Variants in PRKCQ observed in about 807,000 individuals in gnomAD.
PRKCQ encodes protein kinase C theta, also known as protein kinase C theta type.
Under a neutral mutation model 91.2 loss-of-function variants are expected in PRKCQ, and 41 were observed. The observed-to-expected ratio is 0.45, with a 90% CI of 0.35 to 0.58. The LOEUF is 0.58. PRKCQ is among the 20% of genes least tolerant of loss of function. The pLI is 0.00. For missense variants in PRKCQ, 673 were observed against 896.5 expected (o/e 0.75, Z 3.18); for synonymous variants, 307 against 316.9 (o/e 0.97, Z 0.33).
chr10:6,408,079 T>A, the PRKCQ span, among the ~76,000 whole-genome samples: 1 of 146,250 alleles, frequency 6.8e-6, no homozygotes, highest in Non-Finnish European at 1.5e-5. Flanking sequence ...TTTTTTACAT[T>A]TTTTGGAATC....
intron 1 of PRKCQ, among the ~76,000 whole-genome samples, chr10:6,523,285 A>G (rs938531819): frequency 6.6e-6 from 1 of 151,664 alleles, no homozygotes; most frequent in South Asian, 2.1e-4. Flanking sequence ...CCCTGTCTCT[A>G]TTTTTTCTTT....
intron 1 of PRKCQ, among the ~76,000 whole-genome samples, chr10:6,523,321 C>A (rs1435943844): frequency 1.3e-5 from 2 of 151,936 alleles, no homozygotes; most frequent in African/African-American, 4.8e-5. Context: ...CATGGTGGCA[C>A]ACACCTATAG....
chr10:6,563,650 A>C (rs980200005), intron 1 of PRKCQ, among the ~76,000 whole-genome samples: 1 of 151,756 alleles, frequency 6.6e-6, no homozygotes, highest in African/African-American at 2.4e-5. Flanking sequence ...ATGGGATCAC[A>C]CCGCCTTCTT....
intron 2 of PRKCQ, among the ~76,000 whole-genome samples, chr10:6,512,598 C>A (rs1328121314): frequency 1.3e-5 from 2 of 152,154 alleles, no homozygotes; most frequent in East Asian, 3.8e-4. Context: ...CATTAAGTGG[C>A]AGATTTAGCA....
At chr10:6,407,677 G>A in the PRKCQ span, among the ~76,000 whole-genome samples, 106 of 151,830 alleles carry the variant, frequency 7.0e-4, no homozygotes, top group African/African-American at 2.5e-3. This position sits in a 1 kb window ranked among gnomAD's most constrained non-coding sequence, Gnocchi z 4.0. Context: ...TGTGGTATGT[G>A]CATGTGACGT....
intron 1 of PRKCQ, among the ~76,000 whole-genome samples, chr10:6,577,633 A>G (rs1841293842): frequency 6.6e-6 from 1 of 152,202 alleles, no homozygotes. Context: ...TTTGAGGCAA[A>G]TTATTGAAAA....
chr10:6,508,419 A>C (rs1349877100), intron 3 of PRKCQ, among the ~76,000 whole-genome samples: 2 of 152,244 alleles, frequency 1.3e-5, no homozygotes, highest in Non-Finnish European at 2.9e-5. Flanking sequence ...ATCGTGGCTA[A>C]ATAATTTTCT....
chr10:6,406,059 CTT>C, the PRKCQ span, among the ~76,000 whole-genome samples: 2 of 152,130 alleles, frequency 1.3e-5, no homozygotes, highest in African/African-American at 4.8e-5. Context: ...GCAACTAACA[CTT>C]TTCATATTTT....
At chr10:6,579,424 G>A (rs189895417) in intron 1 of PRKCQ, among the ~76,000 whole-genome samples, 23 of 152,234 alleles carry the variant, frequency 1.5e-4, no homozygotes, top group Admixed American at 1.3e-3. Context: ...TTGCAGAAAT[G>A]ACCGGAGTCT....
chr10:6,461,089 TATCCATCATTTATCC>T lies in PRKCQ; in HGVS notation c.1508+1199_1508+1213del, dbSNP rs1410411696. 1.5e-4 allele frequency among the ~76,000 whole-genome samples: 21 copies of T among 142,692 alleles called. No individual in the cohort carries two copies. The East Asian group carries it at 4.0e-3, about 27-fold the overall frequency. The allele number at this position is 142,692 out of a possible 152,430, so 93.6% of individuals were successfully genotyped here. A position where few individuals can be genotyped will look rare whatever the true frequency, so the allele number is the denominator to read the frequency against. ...ATCTACTCATCATTCATCCATCATT[TATCCATCATTTATCC>T]ATCCATCCATCCATCCATCCATCCA... is the stretch of plus-strand genomic sequence containing the variant. On this transcript the variant is annotated intron_variant, in intron 14 of 17. Coordinates refer to ENST00000263125, the MANE Select transcript of PRKCQ (RefSeq NM_006257.5).
chr10:6,491,919 G>A (rs1564347907), intron 7 of PRKCQ, 107 bp from the exon 8 acceptor site: 3 of 1,436,776 alleles, frequency 2.1e-6, no homozygotes, highest in East Asian at 2.3e-5. Context: ...GAAAACACTG[G>A]CATTGTGTGC....
chr10:6,548,304 C>A (rs1478026429), intron 1 of PRKCQ, among the ~76,000 whole-genome samples: 6 of 152,056 alleles, frequency 3.9e-5, no homozygotes, highest in Admixed American at 1.3e-4. Context: ...ACTAGTTCAA[C>A]CATTGTGGAA....
chr10:6,498,043 A>G (rs1333531711), intron 5 of PRKCQ, among the ~76,000 whole-genome samples: 2 of 152,240 alleles, frequency 1.3e-5, no homozygotes, highest in African/African-American at 2.4e-5. Context: ...AAGTAGCACC[A>G]GCAGGGTTGG....
At chr10:6,532,988 T>C (rs1190541155) in intron 1 of PRKCQ, among the ~76,000 whole-genome samples, 3 of 152,286 alleles carry the variant, frequency 2.0e-5, no homozygotes, top group South Asian at 2.1e-4. Flanking sequence ...TCAAAAGTAA[T>C]GTTTAGATTT....
chr10:6,397,110 G>GT, the PRKCQ span, among the ~76,000 whole-genome samples: 1,732 of 149,254 alleles, frequency 0.012, 28 homozygotes, highest in African/African-American at 0.037. Context: ...TTATTTGCCT[G>GT]TTTTTTTTTT....
chr10:6,558,099 C>G (rs1382340342), intron 1 of PRKCQ, among the ~76,000 whole-genome samples: 1 of 152,182 alleles, frequency 6.6e-6, no homozygotes, highest in African/African-American at 2.4e-5. Flanking sequence ...TTAAAAAAAT[C>G]TCTTCCTTGC....
At chr10:6,442,227 C>G in intron 15 of PRKCQ, 146 bp from the exon 16 acceptor site, 1 of 767,314 alleles carries the variant, frequency 1.3e-6, no homozygotes, top group Non-Finnish European at 2.0e-6. Context: ...TCTTGGGAAG[C>G]CAATGACTGG....
downstream of PRKCQ, among the ~76,000 whole-genome samples, chr10:6,426,662 C>T (rs1292378741): frequency 6.6e-6 from 1 of 152,142 alleles, no homozygotes; most frequent in Admixed American, 6.5e-5. Context: ...GGAAAATGTT[C>T]CAGCACACCT....
intron 1 of PRKCQ, among the ~76,000 whole-genome samples, chr10:6,522,527 C>G (rs1202032911): frequency 2.0e-5 from 3 of 152,058 alleles, no homozygotes; most frequent in African/African-American, 7.2e-5. Context: ...CATAACTGAA[C>G]CTGATGGGGA....
Sources: allele counts gnomAD v4.1 joint callset (sites outside exome capture counted in the v4.1 genomes callset), GRCh38; gene constraint gnomAD v4.1.1; non-coding constraint Gnocchi (gnomAD v3.1); transcripts MANE v1.5; gene names NCBI Gene and HGNC (gene_info 2026-07-23, HGNC 2026-07-21).